MALRD1: variants seen among roughly 807,000 people sequenced by gnomAD.
MALRD1 encodes MAM and LDL-receptor class A domain-containing protein 1.
In MALRD1, 247 loss-of-function variants were observed where a neutral mutation model predicts 242.1. That is an observed-to-expected ratio of 1.02 (90% confidence interval 0.92 to 1.13). The LOEUF (loss-of-function observed/expected upper bound fraction) is 1.13. Among genes scored for constraint, MALRD1 ranks in the 50% most tolerant of loss-of-function variants. The probability of loss-of-function intolerance (pLI) is 0.00; values close to 1 mark genes in which losing one functional copy is unlikely to be tolerated. For synonymous variants in MALRD1, 995 were observed against 866.6 expected (o/e 1.15, Z -2.60); for missense variants, 2,989 against 2,533.1 (o/e 1.18, Z -3.86).
chr10:19,388,208 G>A (rs1846168261), intron 27 of MALRD1, among the ~76,000 whole-genome samples: 1 of 152,012 alleles, frequency 6.6e-6, no homozygotes, highest in South Asian at 2.1e-4. Context: ...CAGTCATATT[G>A]GATTAGTGTC....
chr10:19,652,702 G>T (rs1354874550), intron 36 of MALRD1, among the ~76,000 whole-genome samples: 3 of 152,144 alleles, frequency 2.0e-5, no homozygotes, highest in Admixed American at 6.5e-5. Flanking sequence ...CCAGGAAATT[G>T]TATACCCTGT....
intron 21 of MALRD1, among the ~76,000 whole-genome samples, chr10:19,317,507 GC>G (rs1197293213): frequency 6.6e-6 from 1 of 151,908 alleles, no homozygotes; most frequent in Non-Finnish European, 1.5e-5. Flanking sequence ...GTTCACAACA[GC>G]TTTTTTGGTG....
rs1834992055 is a variant in MALRD1, at chr10:19,066,752, G to A, written c.233G>A (p.Gly78Asp). ...TATGAAAGATGTGATTTTGAGGATG[G>A]TCTCTGTCATATGACTCAAGATCAG... ...LNYERCDFED[G>D]LCHMTQDQSL... is the part of the protein sequence containing the mutation. Residue 78 changes from glycine (G) to aspartate (D), a missense_variant, in exon 2 of 40, where the codon GGT (glycine) becomes GAT (aspartate). By Grantham distance (94) the Gly-to-Asp change is moderately conservative (BLOSUM62 -1). Transcript: ENST00000454679. 3 of 1,233,526 alleles carry A rather than the reference G, an allele frequency of 2.4e-6. No homozygotes were observed. Among genetic ancestry groups the A allele is most frequent in the African/African-American group, 1.6e-5 (1 of 64,476 alleles). The allele number at this position is 1,233,526 out of a possible 1,614,324, so 76.4% of individuals were successfully genotyped here.
At chr10:19,058,229 T>C (rs1247783817) in intron 1 of MALRD1, among the ~76,000 whole-genome samples, 1 of 152,220 alleles carries the variant, frequency 6.6e-6, no homozygotes, top group Non-Finnish European at 1.5e-5. Context: ...TCACAAACAA[T>C]TCTGTCTGAT....
Position 19,649,595 on chromosome 10 carries a change from CTTTG to C in MALRD1, c.6137+33676_6137+33679del, listed in dbSNP as rs535415450. ...TAATGGAGTTGTTTTTCTCTTGTAA[CTTTG>C]TTTAAGTTCCTTATAGATTCTGGAT... On this transcript the variant is annotated intron_variant, in intron 36 of 39. Transcript: ENST00000454679. 5.5e-4 allele frequency among the ~76,000 whole-genome samples: 84 copies of C among 151,812 alleles called. No homozygotes were observed. The South Asian group carries it at 8.4e-3, about 15-fold the overall frequency.
chr10:19,576,349 A>G (rs1836824785), intron 33 of MALRD1, among the ~76,000 whole-genome samples: 2 of 152,310 alleles, frequency 1.3e-5, no homozygotes, highest in Admixed American at 1.3e-4. Flanking sequence ...CTTTATTTAC[A>G]CAACATGCAT....
At chr10:19,292,287 A>G (rs573205968) in intron 21 of MALRD1, among the ~76,000 whole-genome samples, 1 of 152,118 alleles carries the variant, frequency 6.6e-6, no homozygotes, top group South Asian at 2.1e-4. Context: ...TCTAATCAAA[A>G]TTACCTTTGT....
intron 38 of MALRD1, among the ~76,000 whole-genome samples, chr10:19,718,438 C>T (rs183715726): frequency 2.0e-4 from 30 of 152,212 alleles, no homozygotes; most frequent in African/African-American, 7.0e-4. Flanking sequence ...CAAAAGAGAC[C>T]GGAAGGAGGT....
chr10:19,513,525 G>C (rs900351475), intron 31 of MALRD1, among the ~76,000 whole-genome samples: 1 of 151,726 alleles, frequency 6.6e-6, no homozygotes, highest in Non-Finnish European at 1.5e-5. Context: ...GGATCACGAG[G>C]TCAGGAGATT....
chr10:19,728,513 C>G (rs1835145120), intron 38 of MALRD1: 1 of 152,142 alleles, frequency 6.6e-6, no homozygotes, highest in East Asian at 1.9e-4. Context: ...TGCCTCACAC[C>G]CTTGCAACTG....
chr10:19,273,517 A>G (rs1840356775), intron 19 of MALRD1, among the ~76,000 whole-genome samples: 1 of 152,196 alleles, frequency 6.6e-6, no homozygotes, highest in Non-Finnish European at 1.5e-5. Context: ...TAGGTAATAA[A>G]CTGGATCACA....
chr10:19,176,962 G>A (rs1835286988), intron 14 of MALRD1, among the ~76,000 whole-genome samples: 1 of 151,910 alleles, frequency 6.6e-6, no homozygotes, highest in African/African-American at 2.4e-5. Flanking sequence ...CAGAGCAGCA[G>A]ATTTAAGGAT....
rs546556437 is a variant in MALRD1, at chr10:19,146,286, A to T, written c.1500A>T (p.Gly500=). 9.0e-5 allele frequency: 111 copies of T among 1,231,524 alleles called. No homozygotes were observed. The highest frequency in any genetic ancestry group is 1.1e-4 in the Non-Finnish European group (106 of 987,918). 76.3% of individuals were successfully genotyped at this position (1,231,524 alleles called of 1,614,324 possible). ...TEDSHWKLMK[G]LNNGEHHFPA... ...ATTCACACTGGAAGCTGATGAAAGG[A>T]TTGAATAATGGAGAGCACCACTTTC... Residue 500 remains glycine, a synonymous_variant, in exon 11 of 40, where the codon GGA becomes GGT. Transcript: ENST00000454679.
intron 28 of MALRD1, among the ~76,000 whole-genome samples, chr10:19,405,144 A>G (rs1214561636): frequency 2.6e-5 from 4 of 152,150 alleles, no homozygotes; most frequent in Non-Finnish European, 5.9e-5. Flanking sequence ...TCAACTTTCT[A>G]AATATTTCTT....
intron 33 of MALRD1, among the ~76,000 whole-genome samples, chr10:19,588,546 A>G (rs1482361452): frequency 6.6e-6 from 1 of 152,240 alleles, no homozygotes. Context: ...ACAAAGCACA[A>G]GTATAGCTTT....
chr10:19,730,835 C>A, intron 39 of MALRD1, 54 bp downstream of exon 39: 1 of 886,642 alleles, frequency 1.1e-6, no homozygotes, highest in Non-Finnish European at 1.6e-6. Flanking sequence ...CACATACAAA[C>A]ACACACACAC....
chr10:19,300,934 G>T (rs755023431), intron 21 of MALRD1, among the ~76,000 whole-genome samples: 58 of 151,994 alleles, frequency 3.8e-4, no homozygotes, highest in Non-Finnish European at 8.1e-4. Context: ...TCTATAGAAT[G>T]GGAGAAAATA....
At chr10:19,073,454 G>A (rs935532198) in intron 2 of MALRD1, among the ~76,000 whole-genome samples, 2 of 152,062 alleles carry the variant, frequency 1.3e-5, no homozygotes, top group East Asian at 1.9e-4. Flanking sequence ...AAAGTGCTCC[G>A]AAATTGGAAA....
intron 21 of MALRD1, chr10:19,291,272 T>G (rs757714643): frequency 3.3e-5 from 5 of 152,202 alleles, no homozygotes; most frequent in Admixed American, 6.6e-5. Context: ...TTTCTAACTC[T>G]GCTCATAGAA....
Sources: allele counts gnomAD v4.1 joint callset (sites outside exome capture counted in the v4.1 genomes callset), GRCh38; gene constraint gnomAD v4.1.1; transcripts MANE v1.5; gene names NCBI Gene and HGNC (gene_info 2026-07-23, HGNC 2026-07-21).